TNFRSF10D: variants seen among roughly 807,000 people sequenced by gnomAD.
The protein encoded by TNFRSF10D is TNF receptor superfamily member 10d.
TNFRSF10D carries 28 observed loss-of-function variants against 42.1 expected under a neutral mutation model. That is an observed-to-expected ratio of 0.66 (90% CI 0.49 to 0.91). TNFRSF10D has a LOEUF of 0.91. Ranked by LOEUF, TNFRSF10D falls within the 40% of genes least tolerant of loss-of-function variation. The probability of loss-of-function intolerance (pLI) is 0.00; values close to 1 mark genes in which losing one functional copy is unlikely to be tolerated. For synonymous variants in TNFRSF10D, 186 were observed against 189.4 expected (o/e 0.98, Z 0.15); for missense variants, 503 against 486.1 (o/e 1.03, Z -0.33).
At chr8:23,139,896 A>C (rs1693528862) in intron 7 of TNFRSF10D, among the ~76,000 whole-genome samples, 1 of 152,242 alleles carries the variant, frequency 6.6e-6, no homozygotes, top group African/African-American at 2.4e-5. Context: ...CTGTAATCCC[A>C]GCACTTTGGG....
At chr8:23,147,833 T>C (rs7819258) in intron 3 of TNFRSF10D, among the ~76,000 whole-genome samples, 6 of 151,590 alleles carry the variant, frequency 4.0e-5, no homozygotes, top group African/African-American at 1.2e-4. Flanking sequence ...GAGGCCGAGG[T>C]GGGTGGATCA....
chr8:23,142,529 A>G (rs998895561), intron 7 of TNFRSF10D, among the ~76,000 whole-genome samples: 6 of 152,212 alleles, frequency 3.9e-5, no homozygotes, highest in African/African-American at 1.4e-4. Flanking sequence ...TCTCATTTAT[A>G]AGTAGTAGCT....
At chr8:23,151,607 A>G (rs1383797390) in intron 2 of TNFRSF10D, among the ~76,000 whole-genome samples, 2 of 152,208 alleles carry the variant, frequency 1.3e-5, no homozygotes, top group Non-Finnish European at 2.9e-5. Context: ...ACAATTTGTT[A>G]AGGAATACAC....
At position 23,137,906 on chromosome 8, in the gene TNFRSF10D, T is replaced by C; in HGVS notation, c.1125A>G (p.Glu375=). The C allele has an allele frequency of 6.2e-7, 1 of 1,614,198 alleles. No homozygotes were observed. Among genetic ancestry groups the C allele is most frequent in the Non-Finnish European group, 8.5e-7 (1 of 1,180,038 alleles). ...ACGTAGCAGAGCCTGCCTCATCTTC[T>C]TCATAAAAGAGCTTTTCGGAGCCCA... is the stretch of plus-strand genomic sequence containing the variant. ...QLVGSEKLFY[E]EDEAGSATSC... is the part of the protein sequence containing the mutation. Residue 375 remains glutamate (E), a synonymous_variant, in exon 9 of 9, where the codon GAA becomes GAG. Transcript: ENST00000312584.
At chr8:23,155,714 A>G (rs1328407727) in intron 1 of TNFRSF10D, among the ~76,000 whole-genome samples, 1 of 151,934 alleles carries the variant, frequency 6.6e-6, no homozygotes, top group East Asian at 1.9e-4. Context: ...AAAAAAACAA[A>G]AAACAAAAAA....
At chr8:23,153,453 A>G (rs184829807) in intron 2 of TNFRSF10D, among the ~76,000 whole-genome samples, 34 of 152,336 alleles carry the variant, frequency 2.2e-4, no homozygotes, top group African/African-American at 7.5e-4. Flanking sequence ...ATGAGAGATC[A>G]ATATCCAAAA....
intron 2 of TNFRSF10D, among the ~76,000 whole-genome samples, chr8:23,150,693 A>G (rs1039728061): frequency 6.6e-6 from 1 of 152,270 alleles, no homozygotes; most frequent in Non-Finnish European, 1.5e-5. Context: ...GAGTAGTTTA[A>G]TATACACAGA....
intron 3 of TNFRSF10D, 137 bp from the exon 4 acceptor site, chr8:23,147,209 A>G: frequency 1.5e-6 from 1 of 673,148 alleles, no homozygotes; most frequent in Non-Finnish European, 2.6e-6. Context: ...GCACCAGCAC[A>G]CTCGGGACTC....
intron 2 of TNFRSF10D, among the ~76,000 whole-genome samples, chr8:23,150,618 G>A (rs557031006): frequency 6.6e-6 from 1 of 152,340 alleles, no homozygotes; most frequent in African/African-American, 2.4e-5. Context: ...CAGAAGCTCA[G>A]TCAGCTACTA....
In TNFRSF10D at chr8:23,148,785, A is replaced by G. The variant is rs1800165233; in HGVS notation, c.257-234T>C. 1.3e-5 allele frequency among the ~76,000 whole-genome samples: 2 copies of G among 151,450 alleles called. 1 individual carries two copies. Among genetic ancestry groups the G allele is most frequent in the South Asian group, 4.2e-4 (2 of 4,774 alleles). On this transcript the variant is annotated intron_variant, in intron 2 of 8. Coordinates refer to ENST00000312584, the MANE Select transcript of TNFRSF10D (RefSeq NM_003840.5). ...GCAAAATTCAAATTCTATGAAAGCCACATTAAAATAGTACAAAGAATGAGG... is the reference window on the plus strand; with the variant it reads ...GCAAAATTCAAATTCTATGAAAGCCGCATTAAAATAGTACAAAGAATGAGG...
chr8:23,146,117 G>C (rs759224255), intron 4 of TNFRSF10D, among the ~76,000 whole-genome samples, 196 bp from the exon 5 acceptor site: 11 of 152,156 alleles, frequency 7.2e-5, no homozygotes, highest in African/African-American at 1.4e-4. Context: ...TCAGCCCCTC[G>C]GCCTCCCTGC....
At chr8:23,143,078 G>T (rs1299392770) in intron 7 of TNFRSF10D, among the ~76,000 whole-genome samples, 3 of 152,042 alleles carry the variant, frequency 2.0e-5, no homozygotes, top group Admixed American at 6.5e-5. Context: ...ACGGGTTCAC[G>T]CCATTCTCCT....
At chr8:23,147,401 C>T (rs536189605) in intron 3 of TNFRSF10D, among the ~76,000 whole-genome samples, 2 of 152,202 alleles carry the variant, frequency 1.3e-5, no homozygotes, top group Non-Finnish European at 2.9e-5. Flanking sequence ...CCAAAAGCCC[C>T]GGCCTTGCTG....
At position 23,154,885 on chromosome 8, in the gene TNFRSF10D, T is replaced by C; in HGVS notation, c.245A>G (p.Glu82Gly). 1 of 1,613,592 alleles carries C rather than the reference T, an allele frequency of 6.2e-7. No individual in the cohort carries two copies. Among genetic ancestry groups the C allele is most frequent in the Non-Finnish European group, 8.5e-7 (1 of 1,179,740 alleles). ...QQQRRSLKEE[E>G]CPAGSHRSEY... ...AAATAAGAGTGCACCTGCTGGACAC[T>C]CCTCCTCCTTGAGGCTGCGCCTCTG... The change falls in exon 2 of 9, where the codon GAG becomes GGG. Residue 82 changes from glutamate (E) to glycine (G), a missense_variant. Physicochemically the swap from Glu to Gly is moderately conservative, Grantham distance 98 (BLOSUM62 -2). Coordinates refer to ENST00000312584, the MANE Select transcript of TNFRSF10D (RefSeq NM_003840.5).
At position 23,147,067 on chromosome 8, in the gene TNFRSF10D, T is replaced by C. The variant is rs759735995; in HGVS notation, c.376A>G (p.Thr126Ala). 3 of 1,613,602 alleles carry C rather than the reference T, an allele frequency of 1.9e-6. No individual in the cohort carries two copies. Among genetic ancestry groups the C allele is most frequent in the Non-Finnish European group, 1.7e-6 (2 of 1,179,614 alleles). Reference protein sequence around the residue: ...LLCTVCKSGQTNKSSCTTTRD... With the variant: ...LLCTVCKSGQANKSSCTTTRD... ...GTCGTGGTACAGGAACTTTTATTTG[T>C]TTGACCTGACAACAGAGCATAAGGT... Residue 126 changes from threonine (T) to alanine (A), a missense_variant, in exon 4 of 9, where the codon ACA (threonine) becomes GCA (alanine). Thr to Ala is a moderately conservative substitution (Grantham distance 58, BLOSUM62 0). Transcript: ENST00000312584.
intron 6 of TNFRSF10D, among the ~76,000 whole-genome samples, 161 bp from the exon 7 acceptor site, chr8:23,144,796 G>A (rs1476873948): frequency 6.6e-6 from 1 of 152,092 alleles, no homozygotes; most frequent in Non-Finnish European, 1.5e-5. Flanking sequence ...GGGTCAGGTG[G>A]TCACCCCATC....
chr8:23,147,749 A>G (rs1387900752), intron 3 of TNFRSF10D, among the ~76,000 whole-genome samples: 2 of 152,056 alleles, frequency 1.3e-5, no homozygotes, highest in Non-Finnish European at 2.9e-5. Flanking sequence ...CAACATGGAG[A>G]AACCCTGTCT....
chr8:23,158,211 C>G (rs1445972218), intron 1 of TNFRSF10D, among the ~76,000 whole-genome samples: 1 of 152,164 alleles, frequency 6.6e-6, no homozygotes, highest in East Asian at 1.9e-4. Flanking sequence ...TTGCCTCTGT[C>G]TCTCCTTCTG....
At chr8:23,158,898 C>T (rs1014721227) in intron 1 of TNFRSF10D, among the ~76,000 whole-genome samples, 1 of 152,128 alleles carries the variant, frequency 6.6e-6, no homozygotes, top group Admixed American at 6.5e-5. Flanking sequence ...ACTATCGCCG[C>T]GATAAGATAA....
Sources: gnomAD v4.1 joint callset for allele counts (sites outside exome capture counted in the v4.1 genomes callset) on GRCh38, gnomAD v4.1.1 for gene constraint, MANE v1.5 for transcripts, NCBI Gene and HGNC (gene_info 2026-07-23, HGNC 2026-07-21) for gene names.